PNISR: variants seen among roughly 807,000 people sequenced by gnomAD.
PNISR encodes the protein PNN interacting serine and arginine rich protein.
PNISR carries 20 observed loss-of-function variants against 93.4 expected under a neutral mutation model. That is an observed-to-expected ratio of 0.21 (90% CI 0.15 to 0.31). PNISR has a LOEUF of 0.31. Among genes scored for constraint, PNISR ranks in the 10% least tolerant of loss-of-function variants. The pLI is 1.00. For missense variants in PNISR, 893 were observed against 985.4 expected, an observed-to-expected ratio of 0.91 and a Z score of 1.25; for synonymous variants, 305 against 306.5, an observed-to-expected ratio of 0.99 and a Z score of 0.05.
At position 99,400,913 on chromosome 6, in the gene PNISR, TTGTC is replaced by T. The variant is rs751290688; in HGVS notation, c.2041_2044del (p.Asp681LysfsTer30). The T allele has an allele frequency of 1.9e-6, 3 of 1,572,474 alleles. No homozygotes were observed. The highest frequency in any genetic ancestry group is 2.2e-5 in the East Asian group (1 of 44,662). On this transcript the variant is annotated frameshift_variant, in exon 12 of 12. Coordinates refer to ENST00000369239, the MANE Select transcript of PNISR (RefSeq NM_032870.4). LOFTEE classifies it high-confidence loss of function. ...TTTATCCTGTTCACGTTCCCTTTCT[TTGTC>T]TTTCTTTTTCCTATCTTTATCTATA...
In PNISR at chr6:99,398,818, CATTTT is replaced by C. The variant is rs1440824810; in HGVS notation, c.*1717_*1721del. The stretch of plus-strand genomic sequence containing the variant: ...GCTCGCCTACATAAAAAATATTGCA[CATTTT>C]ATTTTGTCTCCAGATGTGATCGATG... On this transcript the variant is annotated 3_prime_UTR_variant, in exon 12 of 12. Coordinates refer to ENST00000369239, the MANE Select transcript of PNISR (RefSeq NM_032870.4). 24 of 152,120 alleles carry C rather than the reference CATTTT, an allele frequency of 1.6e-4. No individual in the cohort carries two copies. The highest frequency in any genetic ancestry group is 8.3e-4 in the South Asian group (4 of 4,822). The allele number at this position is 152,120 out of a possible 1,614,324, so 9.4% of individuals were successfully genotyped here.
chr6:99,420,115 C>A (rs1370107219), intron 1 of PNISR, among the ~76,000 whole-genome samples: 2 of 152,198 alleles, frequency 1.3e-5, no homozygotes, highest in African/African-American at 4.8e-5. Context: ...AATCTCCTGA[C>A]CTCGTGATCC....
intron 7 of PNISR, among the ~76,000 whole-genome samples, chr6:99,407,078 G>C (rs1002488113): frequency 3.3e-4 from 50 of 152,058 alleles, no homozygotes; most frequent in Non-Finnish European, 7.4e-5. Flanking sequence ...CCAGCACTTT[G>C]GGGGGCCGAG....
rs779417916 is a variant in PNISR, at chr6:99,401,367, C to T, written c.1591G>A (p.Val531Ile). 3 of 1,612,170 alleles carry T rather than the reference C, an allele frequency of 1.9e-6. No homozygotes were observed. Among genetic ancestry groups the T allele is most frequent in the South Asian group, 1.1e-5 (1 of 91,048 alleles). Residue 531 changes from valine (V) to isoleucine (I), a missense_variant, in exon 12 of 12, where the codon GTC (valine) becomes ATC (isoleucine). Coordinates refer to ENST00000369239, the MANE Select transcript of PNISR (RefSeq NM_032870.4). ...CTAGAACTGTATGAAGAGCTAGAGACAGTACTACTAGTACTACTAGTTCTG... is the reference window on the plus strand; with the variant it reads ...CTAGAACTGTATGAAGAGCTAGAGATAGTACTACTAGTACTACTAGTTCTG... Reference protein sequence around the residue: ...NSRTSSTSSTVSSSSYSSSSG... With the variant: ...NSRTSSTSSTISSSSYSSSSG...
intron 10 of PNISR, 96 bp from the exon 11 acceptor site, chr6:99,402,806 T>C: frequency 2.2e-6 from 2 of 916,264 alleles, no homozygotes; most frequent in South Asian, 4.8e-5. Context: ...TCTTTTTTCA[T>C]TGCCTTTTCC....
chr6:99,413,854 G>A (rs1488307177), intron 3 of PNISR, among the ~76,000 whole-genome samples: 5 of 152,146 alleles, frequency 3.3e-5, no homozygotes, highest in Non-Finnish European at 5.9e-5. Context: ...TGAAATTACC[G>A]TGACTTAACA....
intron 3 of PNISR, among the ~76,000 whole-genome samples, 153 bp downstream of exon 3, chr6:99,414,419 C>G (rs1346794976): frequency 6.6e-6 from 1 of 152,192 alleles, no homozygotes; most frequent in African/African-American, 2.4e-5. Flanking sequence ...GCTATATATG[C>G]TATGGCAAGG....
chr6:99,419,146 C>T (rs1275486214), intron 1 of PNISR, among the ~76,000 whole-genome samples: 1 of 70,570 alleles, frequency 1.4e-5, no homozygotes, highest in Admixed American at 2.4e-4. Context: ...GAGCGAGACT[C>T]CGTCTCAAAA....
intron 5 of PNISR, chr6:99,410,062 A>G (rs1776709067): frequency 6.6e-6 from 1 of 152,242 alleles, no homozygotes; most frequent in South Asian, 2.1e-4. Flanking sequence ...AATTCATGAA[A>G]TAATTCTTTC....
At chr6:99,407,503 T>C (rs1288281886) in intron 7 of PNISR, among the ~76,000 whole-genome samples, 5 of 152,116 alleles carry the variant, frequency 3.3e-5, no homozygotes, top group Admixed American at 3.3e-4. Context: ...AATCTAGTTA[T>C]TTTGCTCTTC....
chr6:99,420,005 C>A (rs1044825102), intron 1 of PNISR, among the ~76,000 whole-genome samples: 1 of 152,088 alleles, frequency 6.6e-6, no homozygotes, highest in South Asian at 2.1e-4. Context: ...CTGCCTCAGC[C>A]TCCCGAGTAG....
chr6:99,411,368 T>C (rs1776885384), intron 4 of PNISR, among the ~76,000 whole-genome samples: 1 of 152,196 alleles, frequency 6.6e-6, no homozygotes, highest in South Asian at 2.1e-4. Flanking sequence ...AAATTAGGTA[T>C]TATTTTTGCC....
chr6:99,404,788 ATT>A, intron 8 of PNISR, 86 bp from the exon 9 acceptor site: 2 of 640,882 alleles, frequency 3.1e-6, no homozygotes, highest in East Asian at 3.1e-5. Flanking sequence ...ATGCAAAGCC[ATT>A]TTTTTTTTCA....
intron 1 of PNISR, among the ~76,000 whole-genome samples, chr6:99,420,313 T>G (rs1321695630): frequency 6.6e-6 from 1 of 152,258 alleles, no homozygotes; most frequent in Non-Finnish European, 1.5e-5. Flanking sequence ...CAGGTAACTC[T>G]GGTCATGAAA....
intron 1 of PNISR, among the ~76,000 whole-genome samples, chr6:99,421,055 T>C (rs1285069223): frequency 6.6e-6 from 1 of 152,222 alleles, no homozygotes; most frequent in African/African-American, 2.4e-5. Flanking sequence ...TATCAAAAAT[T>C]GATTCCAATT....
At chr6:99,415,778 T>C (rs1245829000) in intron 2 of PNISR, 3 of 152,194 alleles carry the variant, frequency 2.0e-5, no homozygotes, top group Admixed American at 6.5e-5. Flanking sequence ...AGCCTTTGTA[T>C]TGCAGGATCA....
chr6:99,421,555 T>G (rs1306131218), intron 1 of PNISR, among the ~76,000 whole-genome samples: 2 of 151,816 alleles, frequency 1.3e-5, no homozygotes, highest in Non-Finnish European at 2.9e-5. Flanking sequence ...AGATTGGGAG[T>G]AGATGGCTCT....
chr6:99,402,159 T>TA (rs1165081972), intron 11 of PNISR, among the ~76,000 whole-genome samples: 1 of 152,224 alleles, frequency 6.6e-6, no homozygotes, highest in Non-Finnish European at 1.5e-5. Context: ...AAATTCTAAG[T>TA]AAATTTTCTC....
intron 5 of PNISR, chr6:99,410,471 AAAC>A: frequency 2.6e-6 from 1 of 377,960 alleles, no homozygotes; most frequent in East Asian, 4.6e-5. Flanking sequence ...TTAGAAAATA[AAAC>A]ATCATATAGC....
Sources: gnomAD v4.1 joint callset for allele counts (sites outside exome capture counted in the v4.1 genomes callset) on GRCh38, gnomAD v4.1.1 for gene constraint, MANE v1.5 for transcripts, NCBI Gene and HGNC (gene_info 2026-07-23, HGNC 2026-07-21) for gene names.